Variants in HS2ST1 observed in about 807,000 individuals in gnomAD.
HS2ST1 encodes the protein heparan sulfate 2-O-sulfotransferase 1.
In HS2ST1, 18 loss-of-function variants were observed where a neutral mutation model predicts 42.9. That is an observed-to-expected ratio of 0.42 (90% CI 0.29 to 0.62). The LOEUF is 0.62. HS2ST1 is among the 20% of genes least tolerant of loss of function. HS2ST1 has a pLI of 0.21. For synonymous variants in HS2ST1, 146 were observed against 152.9 expected, an observed-to-expected ratio of 0.95 and a Z score of 0.33; for missense variants, 334 against 433.8, an observed-to-expected ratio of 0.77 and a Z score of 2.04.
intron 1 of HS2ST1, among the ~76,000 whole-genome samples, chr1:86,969,737 T>C (rs537290910): frequency 2.2e-4 from 33 of 151,558 alleles, no homozygotes; most frequent in Non-Finnish European, 4.4e-4. Context: ...TTTAATTAAG[T>C]TATATAAAAT....
At chr1:87,023,574 A>G (rs1455751972) in intron 1 of HS2ST1, among the ~76,000 whole-genome samples, 5 of 152,178 alleles carry the variant, frequency 3.3e-5, no homozygotes, top group Non-Finnish European at 5.9e-5. Flanking sequence ...ACTGAGGCAT[A>G]TGCTAGTATC....
chr1:87,027,545 G>T (rs1016403362), intron 1 of HS2ST1, among the ~76,000 whole-genome samples: 12 of 152,104 alleles, frequency 7.9e-5, no homozygotes, highest in African/African-American at 2.7e-4. Context: ...ATTTTATACT[G>T]GGAAAATGAA....
intron 1 of HS2ST1, among the ~76,000 whole-genome samples, chr1:86,949,623 T>C (rs1647444547): frequency 6.6e-6 from 1 of 152,196 alleles, no homozygotes; most frequent in Admixed American, 6.5e-5. Context: ...CAGTAGCTAC[T>C]AGCTGTATGT....
intron 1 of HS2ST1, among the ~76,000 whole-genome samples, chr1:87,044,132 T>G (rs1168835610): frequency 6.6e-6 from 1 of 152,200 alleles, no homozygotes; most frequent in East Asian, 1.9e-4. Flanking sequence ...TTATTTTTGT[T>G]ATGTAGATCT....
At chr1:86,996,082 G>A (rs1649087462) in intron 1 of HS2ST1, among the ~76,000 whole-genome samples, 1 of 151,982 alleles carries the variant, frequency 6.6e-6, no homozygotes, top group African/African-American at 2.4e-5. Context: ...AACTAGGTAG[G>A]GACAGTAGAT....
At chr1:86,938,045 C>G (rs537450166) in intron 1 of HS2ST1, among the ~76,000 whole-genome samples, 2 of 152,226 alleles carry the variant, frequency 1.3e-5, no homozygotes, top group African/African-American at 2.4e-5. Flanking sequence ...AGCATGAATA[C>G]CTAGCACTGT....
In HS2ST1 at chr1:87,096,062, A is replaced by G. The variant is rs368815095; in HGVS notation, c.589-1776A>G. 2.0e-3 allele frequency among the ~76,000 whole-genome samples: 303 copies of G among 151,374 alleles called. 1 individual carries two copies. Among genetic ancestry groups the G allele is most frequent in the African/African-American group, 7.0e-3 (288 of 41,218 alleles). ...ATTTTCATATTTGCTCCTGAATTCA[A>G]TTTGTTCGAAATGTTCTTTTGGTTG... On this transcript the variant is annotated intron_variant, in intron 4 of 6. Transcript: ENST00000370550.
chr1:87,034,110 G>A (rs1191419693), intron 1 of HS2ST1, among the ~76,000 whole-genome samples: 1 of 152,146 alleles, frequency 6.6e-6, no homozygotes, highest in African/African-American at 2.4e-5. Flanking sequence ...TAAAAAATAA[G>A]TAGACCATCT....
At chr1:86,960,656 C>T (rs1017609171) in intron 1 of HS2ST1, among the ~76,000 whole-genome samples, 1 of 152,106 alleles carries the variant, frequency 6.6e-6, no homozygotes. Context: ...ATACAGATGG[C>T]AAGCAAGCAT....
chr1:86,947,166 A>G (rs1002694207), intron 1 of HS2ST1, among the ~76,000 whole-genome samples: 11 of 152,204 alleles, frequency 7.2e-5, no homozygotes, highest in Non-Finnish European at 1.2e-4. Flanking sequence ...CCAGAGGGAG[A>G]CATACTTTCT....
At chr1:87,017,085 G>T (rs1019488990) in intron 1 of HS2ST1, among the ~76,000 whole-genome samples, 5 of 152,016 alleles carry the variant, frequency 3.3e-5, no homozygotes, top group Non-Finnish European at 5.9e-5. Context: ...AATTAAGAGT[G>T]CAGGGAATGA....
chr1:87,051,130 T>G (rs1034554948), intron 1 of HS2ST1, among the ~76,000 whole-genome samples: 5 of 152,160 alleles, frequency 3.3e-5, no homozygotes, highest in African/African-American at 1.2e-4. Context: ...TACTGGGTAA[T>G]AATGGTCATC....
At chr1:87,091,276 AT>A (rs1363507875) in intron 3 of HS2ST1, among the ~76,000 whole-genome samples, 1 of 152,052 alleles carries the variant, frequency 6.6e-6, no homozygotes, top group East Asian at 1.9e-4. Context: ...GCAAAGATAT[AT>A]AAAGAGAAAT....
intron 1 of HS2ST1, among the ~76,000 whole-genome samples, chr1:86,996,276 C>G (rs1359990772): frequency 6.6e-6 from 1 of 151,880 alleles, no homozygotes; most frequent in African/African-American, 2.4e-5. Flanking sequence ...AACCCCGTCT[C>G]TACTAAAAAT....
chr1:87,021,532 T>G (rs1360003563), intron 1 of HS2ST1, among the ~76,000 whole-genome samples: 2 of 152,206 alleles, frequency 1.3e-5, no homozygotes, highest in Non-Finnish European at 2.9e-5. Context: ...TTATTTATTT[T>G]GAGACAAGAT....
At chr1:86,956,729 A>G (rs1002362976) in intron 1 of HS2ST1, among the ~76,000 whole-genome samples, 3 of 152,194 alleles carry the variant, frequency 2.0e-5, no homozygotes, top group Non-Finnish European at 4.4e-5. Context: ...CACCAAGAAT[A>G]CTTTTCACCA....
At chr1:86,962,186 G>A (rs1232406706) in intron 1 of HS2ST1, among the ~76,000 whole-genome samples, 4 of 152,124 alleles carry the variant, frequency 2.6e-5, no homozygotes, top group African/African-American at 9.7e-5. Context: ...AATATTGACA[G>A]ACACAAAGAT....
intron 1 of HS2ST1, among the ~76,000 whole-genome samples, chr1:87,000,745 T>C (rs1322776840): frequency 6.6e-6 from 1 of 152,208 alleles, no homozygotes; most frequent in East Asian, 1.9e-4. Context: ...TCATTTACCT[T>C]TTATAGCTTT....
Position 86,982,576 on chromosome 1 carries a change from G to A in HS2ST1, c.124+67416G>A, listed in dbSNP as rs184068531. On this transcript the variant is annotated intron_variant, in intron 1 of 6. Coordinates refer to ENST00000370550, the MANE Select transcript of HS2ST1 (RefSeq NM_012262.4). ...GTCGCCCAGGCTGGAGTGCAGTGGCGCCATCTCAGCTCACTGCAAGCTCTG... is the reference window on the plus strand; with the variant it reads ...GTCGCCCAGGCTGGAGTGCAGTGGCACCATCTCAGCTCACTGCAAGCTCTG... 7.9e-3 allele frequency among the ~76,000 whole-genome samples: 1,198 copies of A among 151,960 alleles called. 9 individuals are homozygous for A. The highest frequency in any genetic ancestry group is 0.014 in the Non-Finnish European group (939 of 67,958).
Sources: gnomAD v4.1 joint callset for allele counts (sites outside exome capture counted in the v4.1 genomes callset) on GRCh38, gnomAD v4.1.1 for gene constraint, MANE v1.5 for transcripts, NCBI Gene and HGNC (gene_info 2026-07-23, HGNC 2026-07-21) for gene names.